The following SUMF1 variants were observed in gnomAD, a reference collection of about 807,000 sequenced individuals.
SUMF1 encodes the protein sulfatase modifying factor 1.
Under a neutral mutation model 47.6 loss-of-function variants are expected in SUMF1, and 48 were observed. That is an observed-to-expected ratio of 1.01 (90% CI 0.80 to 1.28). The LOEUF is 1.28. Among genes scored for constraint, SUMF1 ranks in the 50% most tolerant of loss-of-function variants. The pLI is 0.00. For synonymous variants in SUMF1, 230 were observed against 192.1 expected (o/e 1.20, Z -1.63); for missense variants, 571 against 485.4 (o/e 1.18, Z -1.66).
At chr3:4,117,631 T>C (rs1693452120) in intron 8 of SUMF1, among the ~76,000 whole-genome samples, 1 of 152,116 alleles carries the variant, frequency 6.6e-6, no homozygotes, top group South Asian at 2.1e-4. Flanking sequence ...CTCTGAGTTT[T>C]GATTTCTTTA....
intron 8 of SUMF1, among the ~76,000 whole-genome samples, chr3:4,094,081 G>T (rs2125055561): frequency 6.6e-6 from 1 of 152,168 alleles, no homozygotes; most frequent in Admixed American, 6.5e-5. Context: ...AAATAAATAA[G>T]AAAGACAATC....
chr3:4,355,755 G>T (rs767982018), intron 8 of SUMF1, among the ~76,000 whole-genome samples: 9 of 152,180 alleles, frequency 5.9e-5, no homozygotes, highest in Non-Finnish European at 1.0e-4. Context: ...CCAAGGGCGG[G>T]AGAGCAATCC....
chr3:4,100,731 G>C (rs1559470569), intron 8 of SUMF1, among the ~76,000 whole-genome samples: 2 of 152,030 alleles, frequency 1.3e-5, no homozygotes, highest in East Asian at 3.9e-4. Context: ...CAAATTGAGA[G>C]AAAATATTTT....
At chr3:4,257,870 G>T (rs1220791133) in intron 8 of SUMF1, among the ~76,000 whole-genome samples, 1 of 151,126 alleles carries the variant, frequency 6.6e-6, no homozygotes, top group African/African-American at 2.4e-5. Flanking sequence ...TATACTACAA[G>T]GCTACAGTAA....
chr3:4,286,801 T>A (rs148278473), intron 8 of SUMF1, among the ~76,000 whole-genome samples: 1 of 152,178 alleles, frequency 6.6e-6, no homozygotes, highest in Non-Finnish European at 1.5e-5. Context: ...TGTAAAACTA[T>A]GTACTATAGA....
intron 8 of SUMF1, among the ~76,000 whole-genome samples, chr3:4,336,570 G>T (rs916059823): frequency 6.6e-6 from 1 of 152,128 alleles, no homozygotes; most frequent in Admixed American, 6.5e-5. Context: ...TTGAGGTCCC[G>T]ATAGTCTACT....
At chr3:4,237,848 G>C (rs1454994038) in intron 8 of SUMF1, among the ~76,000 whole-genome samples, 4 of 152,088 alleles carry the variant, frequency 2.6e-5, no homozygotes, top group South Asian at 2.1e-4. Context: ...TGTTACATAG[G>C]TATACATGTG....
intron 9 of SUMF1, among the ~76,000 whole-genome samples, chr3:4,046,858 TC>T (rs200240272): frequency 0.02 from 3,073 of 151,710 alleles, 56 homozygotes; most frequent in Middle Eastern, 0.041. Context: ...TCCAGTTTTG[TC>T]ACTTCACTGC....
chr3:4,173,988 T>C (rs1694897229), intron 8 of SUMF1, among the ~76,000 whole-genome samples: 1 of 152,112 alleles, frequency 6.6e-6, no homozygotes, highest in Non-Finnish European at 1.5e-5. Context: ...GTAACAAACC[T>C]GCACATTCTG....
At chr3:4,060,664 C>G (rs1695262775) in intron 9 of SUMF1, among the ~76,000 whole-genome samples, 1 of 151,900 alleles carries the variant, frequency 6.6e-6, no homozygotes, top group East Asian at 1.9e-4. Flanking sequence ...CAATCCAGAT[C>G]AAGTTTTGCC....
At chr3:4,051,604 A>T (rs1479486384) in intron 9 of SUMF1, among the ~76,000 whole-genome samples, 2 of 152,162 alleles carry the variant, frequency 1.3e-5, no homozygotes, top group African/African-American at 4.8e-5. Flanking sequence ...TAAATGCCTA[A>T]GAGAGAGAAG....
chr3:4,255,172 A>G (rs1351654689), intron 8 of SUMF1, among the ~76,000 whole-genome samples: 1 of 144,866 alleles, frequency 6.9e-6, no homozygotes, highest in Non-Finnish European at 1.5e-5. Context: ...GCCAAATTGT[A>G]AAGACCATCG....
At chr3:4,445,865 G>A (rs920761277) in intron 3 of SUMF1, among the ~76,000 whole-genome samples, 19 of 152,186 alleles carry the variant, frequency 1.2e-4, no homozygotes, top group Non-Finnish European at 7.3e-5. Flanking sequence ...GGTACCATTG[G>A]AGGAAACTGG....
At chr3:4,266,021 T>C (rs1215580602) in intron 8 of SUMF1, among the ~76,000 whole-genome samples, 1 of 152,172 alleles carries the variant, frequency 6.6e-6, no homozygotes, top group Non-Finnish European at 1.5e-5. Context: ...CTCAGGTTTG[T>C]CAAAGATCAG....
intron 8 of SUMF1, among the ~76,000 whole-genome samples, chr3:4,086,259 C>T (rs1264104425): frequency 2.0e-5 from 3 of 150,100 alleles, no homozygotes; most frequent in Admixed American, 2.0e-4. Context: ...CTGGGGTAAA[C>T]TAAAACATCT....
At chr3:4,464,438 G>C (rs1048817048) in intron 1 of SUMF1, among the ~76,000 whole-genome samples, 3 of 152,088 alleles carry the variant, frequency 2.0e-5, no homozygotes, top group Non-Finnish European at 4.4e-5. Context: ...GTGTGAGAGA[G>C]AGAGAAACAC....
intron 8 of SUMF1, among the ~76,000 whole-genome samples, chr3:4,127,341 T>C (rs1693677664): frequency 1.3e-5 from 2 of 152,132 alleles, no homozygotes; most frequent in Admixed American, 6.5e-5. Flanking sequence ...GAATACAAAG[T>C]ATTGATCCTG....
intron 3 of SUMF1, among the ~76,000 whole-genome samples, chr3:4,440,131 G>A (rs987802551): frequency 6.6e-6 from 1 of 151,802 alleles, no homozygotes; most frequent in Non-Finnish European, 1.5e-5. Flanking sequence ...AGCTACTTGG[G>A]AGGCTGAGGC....
At chr3:4,205,314 A>C (rs758124537) in intron 8 of SUMF1, among the ~76,000 whole-genome samples, 22 of 152,228 alleles carry the variant, frequency 1.4e-4, no homozygotes, top group Middle Eastern at 3.4e-3. Flanking sequence ...ACCTATAAGA[A>C]CTAATGATAA....
Sources: gnomAD v4.1 joint callset for allele counts (sites outside exome capture counted in the v4.1 genomes callset) on GRCh38, gnomAD v4.1.1 for gene constraint, MANE v1.5 for transcripts, NCBI Gene and HGNC (gene_info 2026-07-23, HGNC 2026-07-21) for gene names.